Variants in LPP observed in about 807,000 individuals in gnomAD.
The protein encoded by LPP is lipoma-preferred partner.
Under a neutral mutation model 60.4 loss-of-function variants are expected in LPP, and 38 were observed. The ratio of observed to expected loss-of-function variants is 0.63; its 90% confidence interval spans 0.49 to 0.83. The LOEUF is 0.83. Ranked by LOEUF, LPP falls within the 40% of genes least tolerant of loss-of-function variation. LPP has a pLI of 0.00. For synonymous variants in LPP, 328 were observed against 290.8 expected, an observed-to-expected ratio of 1.13 and a Z score of -1.30; for missense variants, 902 against 783.6, an observed-to-expected ratio of 1.15 and a Z score of -1.80.
At chr3:188,364,222 G>A (rs746534799) in intron 3 of LPP, among the ~76,000 whole-genome samples, 2 of 152,160 alleles carry the variant, frequency 1.3e-5, no homozygotes, top group Non-Finnish European at 2.9e-5. Context: ...ATGCTTTTCA[G>A]TCAATATATT....
At chr3:188,712,075 G>C (rs981979563) in intron 8 of LPP, 2 of 152,148 alleles carry the variant, frequency 1.3e-5, no homozygotes, top group Non-Finnish European at 2.9e-5. Context: ...TCTAGGGAAG[G>C]CTGTCAATGT....
At chr3:188,468,202 C>T (rs1800941298) in intron 4 of LPP, among the ~76,000 whole-genome samples, 1 of 152,106 alleles carries the variant, frequency 6.6e-6, no homozygotes, top group Non-Finnish European at 1.5e-5. Context: ...AATTTTATTT[C>T]CTGTCTGTTT....
chr3:188,754,038 T>G (rs574982666), intron 8 of LPP, among the ~76,000 whole-genome samples: 1 of 152,162 alleles, frequency 6.6e-6, no homozygotes, highest in Non-Finnish European at 1.5e-5. Flanking sequence ...AAAGACAGAG[T>G]CCCAAGAAAA....
chr3:188,765,866 T>C (rs904203056), intron 9 of LPP, among the ~76,000 whole-genome samples: 1,994 of 76,106 alleles, frequency 0.026, 44 homozygotes, highest in Non-Finnish European at 0.048. Context: ...CAACTCTTTT[T>C]TTTTTTTTTT....
At chr3:188,462,582 ATATGCATGTGTG>A (rs1799320335) in intron 4 of LPP, among the ~76,000 whole-genome samples, 13 of 42,366 alleles carry the variant, frequency 3.1e-4, no homozygotes, top group Non-Finnish European at 4.7e-4. Context: ...ATATATATAT[ATATGCATGTGTG>A]TGTGTGTGTG....
At chr3:188,474,569 C>T (rs1047889885) in intron 4 of LPP, among the ~76,000 whole-genome samples, 3 of 152,204 alleles carry the variant, frequency 2.0e-5, no homozygotes, top group Non-Finnish European at 2.9e-5. Flanking sequence ...ATGACCACCA[C>T]AGGGTAATGT....
chr3:188,821,177 G>T (rs1402758556), intron 9 of LPP, among the ~76,000 whole-genome samples: 4 of 150,858 alleles, frequency 2.7e-5, no homozygotes, highest in African/African-American at 7.3e-5. Flanking sequence ...TTAGTTACAG[G>T]TTGAATTCTT....
chr3:188,341,752 A>C (rs1301698645), intron 3 of LPP, 33 bp downstream of exon 3: 2 of 866,312 alleles, frequency 2.3e-6, no homozygotes, highest in Non-Finnish European at 2.8e-6. Flanking sequence ...TTGTTTATGA[A>C]ATACTAATAG....
At chr3:188,187,261 G>A (rs1446379924) in intron 1 of LPP, among the ~76,000 whole-genome samples, 1 of 152,074 alleles carries the variant, frequency 6.6e-6, no homozygotes, top group African/African-American at 2.4e-5. Context: ...GGTAAATATT[G>A]CTTAATACAG....
chr3:188,553,441 C>T (rs1169697551), intron 6 of LPP, among the ~76,000 whole-genome samples: 2 of 152,018 alleles, frequency 1.3e-5, no homozygotes, highest in African/African-American at 2.4e-5. Flanking sequence ...TTGGAATGGC[C>T]GCACATTGAG....
intron 9 of LPP, among the ~76,000 whole-genome samples, chr3:188,854,065 A>G (rs1188389087): frequency 5.9e-5 from 9 of 152,174 alleles, no homozygotes; most frequent in Admixed American, 5.9e-4. Context: ...GCTGAAATCC[A>G]AAAAAGACTG....
intron 4 of LPP, 92 bp downstream of exon 4, chr3:188,406,405 A>G (rs949840732): frequency 8.1e-7 from 1 of 1,234,574 alleles, no homozygotes; most frequent in Non-Finnish European, 1.1e-6. Context: ...AGAAAAACGT[A>G]GTTTGTGAAT....
At chr3:188,671,827 T>C (rs1179843133) in intron 7 of LPP, among the ~76,000 whole-genome samples, 1 of 152,074 alleles carries the variant, frequency 6.6e-6, no homozygotes, top group Non-Finnish European at 1.5e-5. Flanking sequence ...CCGGAATGGG[T>C]GAAATACCAG....
At chr3:188,240,376 TGA>T (rs1553827496) in intron 2 of LPP, among the ~76,000 whole-genome samples, 88 of 143,324 alleles carry the variant, frequency 6.1e-4, no homozygotes, top group Admixed American at 2.3e-3. Context: ...TGTGTGTGTG[TGA>T]GAGAGAGACA....
intron 9 of LPP, among the ~76,000 whole-genome samples, chr3:188,764,835 AAC>A (rs1733504827): frequency 6.6e-6 from 1 of 152,126 alleles, no homozygotes; most frequent in Admixed American, 6.5e-5. Flanking sequence ...TCCAGGTCCT[AAC>A]TCTCTGACAG....
chr3:188,352,426 T>C lies in LPP; in HGVS notation c.-10+10707T>C, dbSNP rs1766142915. Among the ~76,000 whole-genome samples, 1 of 152,158 alleles carries C rather than the reference T, an allele frequency of 6.6e-6. No individual in the cohort carries two copies. The highest frequency in any genetic ancestry group is 2.4e-5 in the African/African-American group (1 of 41,434). On this transcript the variant is annotated intron_variant, in intron 3 of 11. Transcript: ENST00000617246. The surrounding 1 kb of genome is among the most constrained non-coding windows in gnomAD (Gnocchi z 4.4). ...AAGGAGTCGCTGACCTTCCCCACAA[T>C]AGAAGCTGTTGATGTGGTCACGTCA... is the stretch of plus-strand genomic sequence containing the variant.
chr3:188,291,877 C>T (rs1052914230), intron 2 of LPP, among the ~76,000 whole-genome samples: 2 of 152,056 alleles, frequency 1.3e-5, no homozygotes, highest in East Asian at 1.9e-4. Flanking sequence ...AAACCCAGAA[C>T]ATTTGACTCT....
chr3:188,631,285 A>T (rs1057044651), intron 7 of LPP, among the ~76,000 whole-genome samples: 1 of 152,194 alleles, frequency 6.6e-6, no homozygotes, highest in Admixed American at 6.5e-5. Flanking sequence ...AGTTTGGAAA[A>T]CTGCCTTTAA....
chr3:188,205,385 G>T (rs1011122758), intron 1 of LPP, among the ~76,000 whole-genome samples: 1 of 148,846 alleles, frequency 6.7e-6, no homozygotes, highest in South Asian at 2.1e-4. Flanking sequence ...AGGTTCAAGC[G>T]ATTCTCCTGC....
Sources: allele counts gnomAD v4.1 joint callset (sites outside exome capture counted in the v4.1 genomes callset), GRCh38; gene constraint gnomAD v4.1.1; non-coding constraint Gnocchi (gnomAD v3.1); transcripts MANE v1.5; gene names NCBI Gene and HGNC (gene_info 2026-07-23, HGNC 2026-07-21).